Variants in CCDC166 observed in about 807,000 individuals in gnomAD.
CCDC166 encodes coiled-coil domain-containing protein 166.
Under a neutral mutation model 14.4 loss-of-function variants are expected in CCDC166, and 17 were observed. The ratio of observed to expected loss-of-function variants is 1.18; its 90% CI spans 0.81 to 1.77. CCDC166 has a LOEUF of 1.77. CCDC166 is among the 40% of genes most tolerant of loss of function. CCDC166 has a pLI of 0.00. For missense variants in CCDC166, 738 were observed against 665.8 expected, an observed-to-expected ratio of 1.11 and a Z score of -1.19; for synonymous variants, 336 against 330.1, an observed-to-expected ratio of 1.02 and a Z score of -0.20.
Position 143,707,280 on chromosome 8 carries a change from C to T in CCDC166, c.734G>A (p.Arg245Gln), listed in dbSNP as rs7004999. The change falls in exon 2 of 2, where the codon CGG becomes CAG. Residue 245 changes from arginine to glutamine, a missense_variant. Coordinates refer to ENST00000542437, the MANE Select transcript of CCDC166 (RefSeq NM_001162914.1). This position sits in a 1 kb window ranked among gnomAD's most constrained non-coding sequence, Gnocchi z 8.0. ...CTCGCGCTGTTCCAGCAGCTGGCGCCGCGTGTGGTGCAGCAGCTGGGTCCG... is the reference window on the plus strand; with the variant it reads ...CTCGCGCTGTTCCAGCAGCTGGCGCTGCGTGTGGTGCAGCAGCTGGGTCCG... ...LRRTQLLHHTRRQLLEQREQL... is the reference protein window; with the variant it reads ...LRRTQLLHHTQRQLLEQREQL... The T allele has an allele frequency of 6.3e-5, 91 of 1,450,600 alleles. No individual in the cohort carries two copies. The highest frequency in any genetic ancestry group is 8.0e-5 in the Non-Finnish European group (88 of 1,106,260). 89.9% of individuals were successfully genotyped at this position (1,450,600 alleles called of 1,614,324 possible).
Position 143,707,288 on chromosome 8 carries a change from G to A in CCDC166, c.726C>T (p.His242=), listed in dbSNP as rs782147972. The change falls in exon 2 of 2, where the codon CAC becomes CAT. Residue 242 remains histidine, a synonymous_variant. Transcript: ENST00000542437. This position sits in a 1 kb window ranked among gnomAD's most constrained non-coding sequence, Gnocchi z 8.0. ...LLLLRRTQLL[H]HTRRQLLEQR... is the part of the protein sequence containing the mutation. ...GTTCCAGCAGCTGGCGCCGCGTGTGGTGCAGCAGCTGGGTCCGGCGGAGCA... is the reference window on the plus strand; with the variant it reads ...GTTCCAGCAGCTGGCGCCGCGTGTGATGCAGCAGCTGGGTCCGGCGGAGCA... 5.5e-6 allele frequency: 8 copies of A among 1,445,048 alleles called. No homozygotes were observed. Among genetic ancestry groups the A allele is most frequent in the Non-Finnish European group, 7.2e-6 (8 of 1,104,488 alleles). The allele number at this position is 1,445,048 out of a possible 1,614,324, so 89.5% of individuals were successfully genotyped here. A position where few individuals can be genotyped will look rare whatever the true frequency, so the allele number is the denominator to read the frequency against.
Position 143,707,608 on chromosome 8 carries a change from C to T in CCDC166, c.445-39G>A. The T allele has an allele frequency of 7.4e-7, 1 of 1,350,020 alleles. No individual in the cohort carries two copies. The highest frequency in any genetic ancestry group is 9.5e-7 in the Non-Finnish European group (1 of 1,056,676). The allele number at this position is 1,350,020 out of a possible 1,614,324, so 83.6% of individuals were successfully genotyped here. A position where few individuals can be genotyped will look rare whatever the true frequency, so the allele number is the denominator to read the frequency against. ...GCCGTCAGCTCACCCCCACCCCGCC[C>T]CCGGCCCGGCCACCAGCCCCGCCCC... On this transcript the variant is annotated intron_variant, in intron 1 of 1. Coordinates refer to ENST00000542437, the MANE Select transcript of CCDC166 (RefSeq NM_001162914.1). This position sits in a 1 kb window ranked among gnomAD's most constrained non-coding sequence, Gnocchi z 8.0.
Position 143,707,960 on chromosome 8 carries a change from C to G in CCDC166, c.150G>C (p.Glu50Asp), listed in dbSNP as rs1346774463. 6.5e-7 allele frequency: 1 copy of G among 1,536,918 alleles called. No homozygotes were observed. Among genetic ancestry groups the G allele is most frequent in the Non-Finnish European group, 8.7e-7 (1 of 1,146,612 alleles). Residue 50 changes from glutamate (E) to aspartate (D), a missense_variant, in exon 1 of 2, where the codon GAG becomes GAC. Glu to Asp is a conservative substitution (Grantham distance 45). Coordinates refer to ENST00000542437, the MANE Select transcript of CCDC166 (RefSeq NM_001162914.1). The surrounding 1 kb of genome is among the most constrained non-coding windows in gnomAD (Gnocchi z 8.0). ...LLSEQLDTCE[E>D]SVDQVLRENA... is the part of the protein sequence containing the mutation. ...TCTCTCGCAGCACCTGGTCAACGCT[C>G]TCCTCGCAGGTGTCCAGCTGCTCCG... is the stretch of plus-strand genomic sequence containing the variant.
Position 143,707,037 on chromosome 8 carries a change from A to C in CCDC166, c.977T>G (p.Val326Gly). 6.5e-7 allele frequency: 1 copy of C among 1,534,730 alleles called. No homozygotes were observed. The highest frequency in any genetic ancestry group is 8.7e-7 in the Non-Finnish European group (1 of 1,146,364). Reference sequence around the variant, plus strand: ...GACCCGGGAAGCCTCGCGCGACGGGACCACGGACGAGGCCCGGGGGGCCGC... The same window carrying C: ...GACCCGGGAAGCCTCGCGCGACGGGCCCACGGACGAGGCCCGGGGGGCCGC... ...SRAAPRASSV[V>G]PSREASRVPS... Residue 326 changes from valine to glycine, a missense_variant, in exon 2 of 2, where the codon GTC (valine) becomes GGC (glycine). Physicochemically the swap from Val to Gly is moderately radical, Grantham distance 109. Transcript: ENST00000542437. This position sits in a 1 kb window ranked among gnomAD's most constrained non-coding sequence, Gnocchi z 8.0.
chr8:143,707,634 G>A lies in CCDC166; in HGVS notation c.444+32C>T, dbSNP rs1404645028. 1 of 1,353,404 alleles carries A rather than the reference G, an allele frequency of 7.4e-7. No individual in the cohort carries two copies. The highest frequency in any genetic ancestry group is 9.4e-7 in the Non-Finnish European group (1 of 1,058,696). The allele number at this position is 1,353,404 out of a possible 1,614,324, so 83.8% of individuals were successfully genotyped here. The stretch of plus-strand genomic sequence containing the variant: ...CCGGCCCGGCCACCAGCCCCGCCCC[G>A]CCTCACCCCGGCCGCGGGCGGGCTC... On this transcript the variant is annotated intron_variant, in intron 1 of 1. Transcript: ENST00000542437. This position sits in a 1 kb window ranked among gnomAD's most constrained non-coding sequence, Gnocchi z 8.0.
At position 143,707,106 on chromosome 8, in the gene CCDC166, G is replaced by C; in HGVS notation, c.908C>G (p.Pro303Arg). 2 of 1,499,508 alleles carry C rather than the reference G, an allele frequency of 1.3e-6. No individual in the cohort carries two copies. The allele number at this position is 1,499,508 out of a possible 1,614,324, so 92.9% of individuals were successfully genotyped here. The change falls in exon 2 of 2, where the codon CCG becomes CGG. Residue 303 changes from proline to arginine, a missense_variant. Pro to Arg is a moderately radical substitution (Grantham distance 103, BLOSUM62 -2). Coordinates refer to ENST00000542437, the MANE Select transcript of CCDC166 (RefSeq NM_001162914.1). This position sits in a 1 kb window ranked among gnomAD's most constrained non-coding sequence, Gnocchi z 8.0. ...CGGGGTCTGGGAGGCCGCGCGCGAC[G>C]GGCTTATGGGGGCGGCTAATGACCC... ...RPGSLAAPISPSRAASQTPSV... is the reference protein window; with the variant it reads ...RPGSLAAPISRSRAASQTPSV...
At position 143,707,053 on chromosome 8, in the gene CCDC166, G is replaced by A. The variant is rs563453623; in HGVS notation, c.961C>T (p.Arg321Trp). 5 of 1,534,282 alleles carry A rather than the reference G, an allele frequency of 3.3e-6. No homozygotes were observed. Among genetic ancestry groups the A allele is most frequent in the Admixed American group, 2.0e-5 (1 of 50,834 alleles). ...CGCGACGGGACCACGGACGAGGCCC[G>A]GGGGGCCGCGCGCGACGGTACCACA... is the stretch of plus-strand genomic sequence containing the variant. Reference protein sequence around the residue: ...PSVVPSRAAPRASSVVPSREA... With the variant: ...PSVVPSRAAPWASSVVPSREA... Residue 321 changes from arginine (R) to tryptophan (W), a missense_variant, in exon 2 of 2, where the codon CGG becomes TGG. Coordinates refer to ENST00000542437, the MANE Select transcript of CCDC166 (RefSeq NM_001162914.1). The surrounding 1 kb of genome is among the most constrained non-coding windows in gnomAD (Gnocchi z 8.0).
Position 143,707,902 on chromosome 8 carries a change from G to A in CCDC166, c.208C>T (p.Arg70Cys). 1 of 1,537,668 alleles carries A rather than the reference G, an allele frequency of 6.5e-7. No homozygotes were observed. The highest frequency in any genetic ancestry group is 8.7e-7 in the Non-Finnish European group (1 of 1,146,558). The change falls in exon 1 of 2, where the codon CGC becomes TGC. Residue 70 changes from arginine (R) to cysteine (C), a missense_variant. Transcript: ENST00000542437. The surrounding 1 kb of genome is among the most constrained non-coding windows in gnomAD (Gnocchi z 8.0). Reference protein sequence around the residue: ...AFLDREALRLREENRLYASYV... With the variant: ...AFLDREALRLCEENRLYASYV... The stretch of plus-strand genomic sequence containing the variant: ...CTGGCGTAGAGCCGGTTCTCCTCGC[G>A]CAGGCGCAGCGCCTCGCGGTCCAGG...
chr8:143,707,875 A>G lies in CCDC166; in HGVS notation c.235T>C (p.Tyr79His). Residue 79 changes from tyrosine to histidine, a missense_variant, in exon 1 of 2, where the codon TAC becomes CAC. By Grantham distance (83) the Tyr-to-His change is moderately conservative (BLOSUM62 2). Transcript: ENST00000542437. The surrounding 1 kb of genome is among the most constrained non-coding windows in gnomAD (Gnocchi z 8.0). ...LREENRLYAS[Y>H]VSARAQRCAK... ...CAGCGCTGGGCGCGCGCGCTCACGTAGCTGGCGTAGAGCCGGTTCTCCTCG... is the reference window on the plus strand; with the variant it reads ...CAGCGCTGGGCGCGCGCGCTCACGTGGCTGGCGTAGAGCCGGTTCTCCTCG... 1 of 1,537,878 alleles carries G rather than the reference A, an allele frequency of 6.5e-7. No homozygotes were observed. Among genetic ancestry groups the G allele is most frequent in the Non-Finnish European group, 8.7e-7 (1 of 1,146,330 alleles).
Position 143,707,631 on chromosome 8 carries a change from C to T in CCDC166, c.444+35G>A. 1 of 1,373,728 alleles carries T rather than the reference C, an allele frequency of 7.3e-7. No homozygotes were observed. 85.1% of individuals were successfully genotyped at this position (1,373,728 alleles called of 1,614,324 possible). ...CCCCCGGCCCGGCCACCAGCCCCGC[C>T]CCGCCTCACCCCGGCCGCGGGCGGG... On this transcript the variant is annotated intron_variant, in intron 1 of 1. Coordinates refer to ENST00000542437, the MANE Select transcript of CCDC166 (RefSeq NM_001162914.1). The surrounding 1 kb of genome is among the most constrained non-coding windows in gnomAD (Gnocchi z 8.0).
chr8:143,707,498 G>A lies in CCDC166; in HGVS notation c.516C>T (p.His172=). 6.9e-7 allele frequency: 1 copy of A among 1,453,528 alleles called. No individual in the cohort carries two copies. 90.0% of individuals were successfully genotyped at this position (1,453,528 alleles called of 1,614,324 possible). ...GCTTCACGCGGTGGAGCAGCTGCGT[G>A]TGCTCCACGCGCATATGCAGCAGCT... ...ERELLHMRVE[H]TQLLHRVKRR... The change falls in exon 2 of 2, where the codon CAC becomes CAT. Residue 172 remains histidine (H), a synonymous_variant. Coordinates refer to ENST00000542437, the MANE Select transcript of CCDC166 (RefSeq NM_001162914.1). This position sits in a 1 kb window ranked among gnomAD's most constrained non-coding sequence, Gnocchi z 8.0.
chr8:143,708,001 C>CA lies in CCDC166; in HGVS notation c.108_109insT (p.Glu37Ter). The CA allele has an allele frequency of 6.5e-7, 1 of 1,527,698 alleles. No individual in the cohort carries two copies. Among genetic ancestry groups the CA allele is most frequent in the Non-Finnish European group, 8.8e-7 (1 of 1,140,452 alleles). 94.6% of individuals were successfully genotyped at this position (1,527,698 alleles called of 1,614,324 possible). A position where few individuals can be genotyped will look rare whatever the true frequency, so the allele number is the denominator to read the frequency against. ...AGCTGCTCCGAGAGCAGCGCGTGTT[C>CA]GCGTTGCAGGTACTGCGCGCGCTCC... On this transcript the variant is annotated frameshift_variant, in exon 1 of 2. Coordinates refer to ENST00000542437, the MANE Select transcript of CCDC166 (RefSeq NM_001162914.1). LOFTEE classifies it high-confidence loss of function.
chr8:143,707,342 G>A lies in CCDC166; in HGVS notation c.672C>T (p.Asn224=). 4 of 1,407,702 alleles carry A rather than the reference G, an allele frequency of 2.8e-6. No individual in the cohort carries two copies. Among genetic ancestry groups the A allele is most frequent in the Non-Finnish European group, 3.7e-6 (4 of 1,086,704 alleles). 87.2% of individuals were successfully genotyped at this position (1,407,702 alleles called of 1,614,324 possible). The change falls in exon 2 of 2, where the codon AAC becomes AAT. Residue 224 remains asparagine, a synonymous_variant. Coordinates refer to ENST00000542437, the MANE Select transcript of CCDC166 (RefSeq NM_001162914.1). This position sits in a 1 kb window ranked among gnomAD's most constrained non-coding sequence, Gnocchi z 8.0. ...VAHTQAIKAD[N]GRLRQELLLL... ...GCAGCAGCTCCTGCCGCAGGCGTCC[G>A]TTGTCCGCTTTGATGGCCTGCGTGT...
chr8:143,707,672 G>A lies in CCDC166; in HGVS notation c.438C>T (p.Pro146=), dbSNP rs1817565051. 4.9e-6 allele frequency: 7 copies of A among 1,441,456 alleles called. No homozygotes were observed. The highest frequency in any genetic ancestry group is 2.2e-4 in the Middle Eastern group (1 of 4,520). 89.3% of individuals were successfully genotyped at this position (1,441,456 alleles called of 1,614,324 possible). A position where few individuals can be genotyped will look rare whatever the true frequency, so the allele number is the denominator to read the frequency against. ...QMAQQVQELQ[P]YKVLQLEQLA... ...CGCGGGCGGGCTCACTGGCCTTGTA[G>A]GGCTGCAGCTCTTGCACCTGCTGTG... The change falls in exon 1 of 2, where the codon CCC becomes CCT. Residue 146 remains proline, a synonymous_variant. Coordinates refer to ENST00000542437, the MANE Select transcript of CCDC166 (RefSeq NM_001162914.1). The surrounding 1 kb of genome is among the most constrained non-coding windows in gnomAD (Gnocchi z 8.0).
Position 143,707,816 on chromosome 8 carries a change from G to A in CCDC166, c.294C>T (p.Asn98=). ...AKAIVRLDEQ[N]RVDLAQIHWQ... is the part of the protein sequence containing the mutation. ...AGTGGATCTGCGCTAGGTCCACGCG[G>A]TTCTGCTCGTCCAGCCGGACGATGG... Residue 98 remains asparagine (N), a synonymous_variant, in exon 1 of 2, where the codon AAC becomes AAT. Transcript: ENST00000542437. This position sits in a 1 kb window ranked among gnomAD's most constrained non-coding sequence, Gnocchi z 8.0. The A allele has an allele frequency of 2.6e-6, 4 of 1,539,956 alleles. No individual in the cohort carries two copies. Among genetic ancestry groups the A allele is most frequent in the Non-Finnish European group, 3.5e-6 (4 of 1,146,052 alleles).
Position 143,707,744 on chromosome 8 carries a change from C to A in CCDC166, c.366G>T (p.Gly122=). 6.5e-7 allele frequency: 1 copy of A among 1,535,110 alleles called. No homozygotes were observed. Among genetic ancestry groups the A allele is most frequent in the Non-Finnish European group, 8.7e-7 (1 of 1,143,726 alleles). ...CCATCTCCAACAGCTGCGCGCGCAC[C>A]CCGTCCTCGCGCCCGTGGTAGAGCG... is the stretch of plus-strand genomic sequence containing the variant. The part of the protein sequence containing the change: ...LASLYHGRED[G]VRAQLLEMEA... The change falls in exon 1 of 2, where the codon GGG becomes GGT. Residue 122 remains glycine, a synonymous_variant. Coordinates refer to ENST00000542437, the MANE Select transcript of CCDC166 (RefSeq NM_001162914.1). The surrounding 1 kb of genome is among the most constrained non-coding windows in gnomAD (Gnocchi z 8.0).
In CCDC166 at chr8:143,707,184, C is replaced by G. The variant is rs1179736206; in HGVS notation, c.830G>C (p.Gly277Ala). 1.2e-4 allele frequency: 161 copies of G among 1,387,064 alleles called. No homozygotes were observed. The highest frequency in any genetic ancestry group is 1.3e-4 in the Non-Finnish European group (137 of 1,080,218). The allele number at this position is 1,387,064 out of a possible 1,614,324, so 85.9% of individuals were successfully genotyped here. The change falls in exon 2 of 2, where the codon GGA becomes GCA. Residue 277 changes from glycine (G) to alanine (A), a missense_variant. By Grantham distance (60) the Gly-to-Ala change is moderately conservative. Transcript: ENST00000542437. This position sits in a 1 kb window ranked among gnomAD's most constrained non-coding sequence, Gnocchi z 8.0. ...RVHGWLRRGP[G>A]GPPLWERPAF... is the part of the protein sequence containing the mutation. ...CGGCCGCTCCCAGAGCGGCGGGCCT[C>G]CGGGGCCCCTGCGCAGCCAGCCGTG... is the stretch of plus-strand genomic sequence containing the variant.
In CCDC166 at chr8:143,706,979, C is replaced by T; in HGVS notation, c.1035G>A (p.Arg345=). 1 of 1,542,252 alleles carries T rather than the reference C, an allele frequency of 6.5e-7. No individual in the cohort carries two copies. The highest frequency in any genetic ancestry group is 1.2e-5 in the South Asian group (1 of 84,060). The change falls in exon 2 of 2, where the codon AGG becomes AGA. Residue 345 remains arginine, a synonymous_variant. Coordinates refer to ENST00000542437, the MANE Select transcript of CCDC166 (RefSeq NM_001162914.1). Reference sequence around the variant, plus strand: ...CCTTTGAAGTGGCCAGCGATGGGACCCTGGAGTCCATGCTCGATAGCACCA... The same window carrying T: ...CCTTTGAAGTGGCCAGCGATGGGACTCTGGAGTCCATGCTCGATAGCACCA... ...PSLVLSSMDS[R]VPSLATSKVG... is the part of the protein sequence containing the mutation.
chr8:143,707,611 G>A lies in CCDC166; in HGVS notation c.445-42C>T. ...GTCAGCTCACCCCCACCCCGCCCCC[G>A]GCCCGGCCACCAGCCCCGCCCCGCC... On this transcript the variant is annotated intron_variant, in intron 1 of 1. Transcript: ENST00000542437. This position sits in a 1 kb window ranked among gnomAD's most constrained non-coding sequence, Gnocchi z 8.0. The A allele has an allele frequency of 1.5e-6, 2 of 1,332,046 alleles. No individual in the cohort carries two copies. Among genetic ancestry groups the A allele is most frequent in the South Asian group, 1.9e-5 (1 of 52,222 alleles). 82.5% of individuals were successfully genotyped at this position (1,332,046 alleles called of 1,614,324 possible).
Sources: gnomAD v4.1 joint callset for allele counts on GRCh38, gnomAD v4.1.1 for gene constraint, Gnocchi (gnomAD v3.1) non-coding constraint, MANE v1.5 for transcripts, NCBI Gene and HGNC (gene_info 2026-07-23, HGNC 2026-07-21) for gene names.